NXPE4: variants seen among roughly 807,000 people sequenced by gnomAD.
The protein encoded by NXPE4 is NXPE family member 4.
Under a neutral mutation model 33.3 loss-of-function variants are expected in NXPE4, and 42 were observed. The observed-to-expected ratio is 1.26, with a 90% CI of 0.98 to 1.63. The LOEUF (loss-of-function observed/expected upper bound fraction) is 1.63, where lower values mean the gene tolerates loss of function less well. NXPE4 is among the 40% of genes most tolerant of loss of function. The pLI is 0.00. For missense variants in NXPE4, 709 were observed against 647.6 expected (o/e 1.09, Z -1.03); for synonymous variants, 253 against 234.9 (o/e 1.08, Z -0.71).
At chr11:114,670,866 C>A in the NXPE4 span, among the ~76,000 whole-genome samples, 1 of 151,274 alleles carries the variant, frequency 6.6e-6, no homozygotes, top group African/African-American at 2.4e-5. Context: ...GGAGAAAACG[C>A]AGGCAATGGA....
At chr11:114,625,168 C>G in the NXPE4 span, among the ~76,000 whole-genome samples, 3 of 152,156 alleles carry the variant, frequency 2.0e-5, no homozygotes, top group Admixed American at 1.3e-4. Flanking sequence ...TGGGTAACCA[C>G]TGTTACCCAG....
chr11:114,657,182 C>A, the NXPE4 span, among the ~76,000 whole-genome samples: 2 of 152,166 alleles, frequency 1.3e-5, no homozygotes, highest in Non-Finnish European at 2.9e-5. Flanking sequence ...ATGCTAGGAC[C>A]TCCACATGGA....
chr11:114,588,694 C>T (rs1344881028), intron 2 of NXPE4, among the ~76,000 whole-genome samples: 2 of 152,220 alleles, frequency 1.3e-5, no homozygotes, highest in South Asian at 2.1e-4. Context: ...ATTGGGGGGC[C>T]TATGAAGAAC....
chr11:114,666,621 A>T, the NXPE4 span, among the ~76,000 whole-genome samples: 1 of 152,162 alleles, frequency 6.6e-6, no homozygotes, highest in African/African-American at 2.4e-5. Flanking sequence ...ATATGGCCTT[A>T]AATCATATAA....
upstream of NXPE4, among the ~76,000 whole-genome samples, chr11:114,596,330 A>G (rs1949572174): frequency 1.3e-5 from 2 of 152,206 alleles, no homozygotes; most frequent in South Asian, 4.1e-4. Flanking sequence ...TGCTGGAAAG[A>G]GCAGGCACCC....
chr11:114,575,073 T>C (rs933644328), intron 5 of NXPE4, among the ~76,000 whole-genome samples: 3 of 151,818 alleles, frequency 2.0e-5, no homozygotes, highest in African/African-American at 7.2e-5. Context: ...ACCATATAAA[T>C]AGAATTAAAA....
At chr11:114,645,301 G>A in the NXPE4 span, among the ~76,000 whole-genome samples, 204 of 151,854 alleles carry the variant, frequency 1.3e-3, no homozygotes, top group African/African-American at 4.5e-3. Flanking sequence ...ACTCCATCTC[G>A]AAAATAAATA....
the NXPE4 span, among the ~76,000 whole-genome samples, chr11:114,660,094 A>T: frequency 6.6e-6 from 1 of 152,126 alleles, no homozygotes; most frequent in East Asian, 1.9e-4. Flanking sequence ...TTCACTTAAG[A>T]AAAATAGATA....
chr11:114,652,184 G>A, the NXPE4 span, among the ~76,000 whole-genome samples: 2 of 152,184 alleles, frequency 1.3e-5, no homozygotes, highest in Non-Finnish European at 2.9e-5. Context: ...GGGAGAGAAG[G>A]GTCATACTGA....
At chr11:114,669,032 G>C in the NXPE4 span, among the ~76,000 whole-genome samples, 1 of 152,040 alleles carries the variant, frequency 6.6e-6, no homozygotes, top group Non-Finnish European at 1.5e-5. Flanking sequence ...CTTGCTGAAA[G>C]TGGAAGAGAC....
the NXPE4 span, among the ~76,000 whole-genome samples, chr11:114,656,350 C>A: frequency 1.3e-5 from 2 of 152,120 alleles, no homozygotes; most frequent in Non-Finnish European, 2.9e-5. Context: ...AATGACCATA[C>A]TGCCCAAAGT....
In NXPE4 at chr11:114,582,629, G is replaced by A. The variant is rs749798709; in HGVS notation, c.489C>T (p.Tyr163=). Residue 163 remains tyrosine, a synonymous_variant, in exon 3 of 6, where the codon TAC becomes TAT. Coordinates refer to ENST00000375478, the MANE Select transcript of NXPE4 (RefSeq NM_001077639.2). ...CCCAGAACAGAGTGAAGCTGACCAG[G>A]TAGGTGCCGTTGTTGAAGTCAGTCA... ...GKVTDFNNGT[Y]LVSFTLFWEG... The A allele has an allele frequency of 2.8e-5, 45 of 1,614,048 alleles. No homozygotes were observed. Among genetic ancestry groups the A allele is most frequent in the South Asian group, 2.0e-4 (18 of 91,090 alleles).
the NXPE4 span, among the ~76,000 whole-genome samples, chr11:114,624,745 C>T: frequency 3.9e-5 from 6 of 152,068 alleles, no homozygotes; most frequent in Admixed American, 6.5e-5. Context: ...TCCAGGGTAA[C>T]CACTGTTACC....
At chr11:114,627,554 A>G in the NXPE4 span, among the ~76,000 whole-genome samples, 30,201 of 150,078 alleles carry the variant, frequency 0.2, 3,608 homozygotes, top group African/African-American at 0.33. Context: ...GGTACCAGCC[A>G]CTGCAAAATC....
At chr11:114,587,100 C>T (rs912986100) in intron 2 of NXPE4, among the ~76,000 whole-genome samples, 2 of 152,174 alleles carry the variant, frequency 1.3e-5, no homozygotes, top group Non-Finnish European at 1.5e-5. Flanking sequence ...ACACTCTTAA[C>T]TTCCTAATTC....
At chr11:114,580,455 G>A (rs1473837369) in intron 4 of NXPE4, 117 bp from the exon 5 acceptor site, 13 of 767,514 alleles carry the variant, frequency 1.7e-5, no homozygotes, top group Middle Eastern at 3.8e-4. Flanking sequence ...GGTAATGGTG[G>A]AAAAAGTATT....
the NXPE4 span, among the ~76,000 whole-genome samples, chr11:114,652,797 G>A: frequency 7.9e-5 from 12 of 152,308 alleles, no homozygotes; most frequent in East Asian, 2.1e-3. Context: ...TGGCATCTAT[G>A]GCACACTGGA....
At chr11:114,638,948 T>G in the NXPE4 span, among the ~76,000 whole-genome samples, 2 of 152,002 alleles carry the variant, frequency 1.3e-5, no homozygotes, top group Non-Finnish European at 2.9e-5. Context: ...AGTCTGCCCA[T>G]TTTCAGATCT....
the NXPE4 span, among the ~76,000 whole-genome samples, chr11:114,628,122 G>A: frequency 1.4e-5 from 2 of 146,210 alleles, no homozygotes; most frequent in African/African-American, 5.2e-5. Flanking sequence ...GAGACAGAAA[G>A]TCAACAACGA....
Sources: allele counts gnomAD v4.1 joint callset (sites outside exome capture counted in the v4.1 genomes callset), GRCh38; gene constraint gnomAD v4.1.1; transcripts MANE v1.5; gene names NCBI Gene and HGNC (gene_info 2026-07-23, HGNC 2026-07-21).